NDP: variants seen among roughly 807,000 people sequenced by gnomAD.
NDP encodes the protein norrin.
A neutral mutation model predicts 8.4 loss-of-function variants in NDP; 2 were observed. The ratio of observed to expected loss-of-function variants is 0.24; its 90% CI spans 0.10 to 0.75. NDP has a LOEUF of 0.75. NDP is among the 30% of genes least tolerant of loss of function. The probability of loss-of-function intolerance (pLI) is 0.73; values close to 1 mark genes in which losing one functional copy is unlikely to be tolerated. For synonymous variants in NDP, 55 were observed against 45.6 expected, an observed-to-expected ratio of 1.21 and a Z score of -0.83; for missense variants, 81 against 110.1, an observed-to-expected ratio of 0.74 and a Z score of 1.18.
intron 1 of NDP, among the ~76,000 whole-genome samples, chrX:43,965,635 G>A (rs1386435043): frequency 9.0e-6 from 1 of 111,327 alleles, no homozygotes; most frequent in East Asian, 2.8e-4. Context: ...AATATAGGCT[G>A]AGTTCCACCC....
chrX:43,972,330 G>A (rs2035895130), intron 1 of NDP, among the ~76,000 whole-genome samples: 1 of 111,184 alleles, frequency 9.0e-6, no homozygotes, highest in Non-Finnish European at 1.9e-5. Context: ...TGGGCGTTCT[G>A]AGTCATTAAC....
rs771129712 is a variant in NDP at position 43,949,847 on chromosome X, G to T, written c.354C>A (p.Ala118=). The change falls in exon 3 of 3, where the codon GCC becomes GCA. Residue 118 remains alanine (A), a synonymous_variant. Transcript: ENST00000642620. Reference sequence around the variant, plus strand: ...GACAGGAGAGGATGTACCGGTAGGTGGCAGTGAGTCGCATGCCCCCTGAGC... The same window carrying T: ...GACAGGAGAGGATGTACCGGTAGGTTGCAGTGAGTCGCATGCCCCCTGAGC... ...LRCSGGMRLT[A]TYRYILSCHC... 2 of 1,189,690 alleles carry T rather than the reference G, an allele frequency of 1.7e-6. No individual in the cohort carries two copies. The highest frequency in any genetic ancestry group is 6.1e-5 in the East Asian group (2 of 32,574).
chrX:43,963,050 T>C (rs1462381566), intron 1 of NDP, among the ~76,000 whole-genome samples: 1 of 112,150 alleles, frequency 8.9e-6, no homozygotes, highest in African/African-American at 3.2e-5. Context: ...GGCTAAGTGG[T>C]ATGTGCCAAG....
intron 1 of NDP, among the ~76,000 whole-genome samples, chrX:43,962,995 G>A (rs1333696862): frequency 1.8e-5 from 2 of 112,077 alleles, no homozygotes; most frequent in African/African-American, 6.5e-5. Context: ...CCTTCTGGCT[G>A]GCAGAGGGTA....
intron 1 of NDP, among the ~76,000 whole-genome samples, chrX:43,969,192 C>T (rs1369770277): frequency 1.8e-5 from 2 of 112,149 alleles, no homozygotes; most frequent in Non-Finnish European, 1.9e-5. Context: ...GCCCCATCTC[C>T]AAAGCCCCAT....
intron 1 of NDP, chrX:43,969,394 G>A (rs1474141361): frequency 8.9e-6 from 1 of 111,839 alleles, no homozygotes; most frequent in East Asian, 2.8e-4. Context: ...AGGATCCAGA[G>A]GGCTTTGTTT....
At chrX:43,952,042 T>TA (rs1311661864) in intron 2 of NDP, among the ~76,000 whole-genome samples, 10 of 112,128 alleles carry the variant, frequency 8.9e-5, no homozygotes, top group Non-Finnish European at 1.9e-4. Context: ...GTGCAGTGGT[T>TA]ATTCACAGGC....
intron 2 of NDP, among the ~76,000 whole-genome samples, chrX:43,956,088 T>G (rs1306599603): frequency 4.5e-5 from 5 of 111,472 alleles, no homozygotes; most frequent in Admixed American, 1.9e-4. Flanking sequence ...TGGGCTTCAG[T>G]TTTCCTTACC....
rs2035743597 is a variant in NDP, at chrX:43,948,806, T to C, written c.*993A>G. On this transcript the variant is annotated 3_prime_UTR_variant, in exon 3 of 3. Transcript: ENST00000642620. ...AATATACTCTTTTTATTTCAAAACG[T>C]GGGAATAACTCAAAATTTGAGCCTC... The C allele has an allele frequency of 8.9e-6, 1 of 111,841 alleles. No individual in the cohort carries two copies. The highest frequency in any genetic ancestry group is 3.3e-5 in the African/African-American group (1 of 30,722). The allele number at this position is 111,841 out of a possible 1,213,427, so 9.2% of individuals were successfully genotyped here.
chrX:43,959,416 G>A (rs1306725161), intron 1 of NDP, among the ~76,000 whole-genome samples: 1 of 111,600 alleles, frequency 9.0e-6, no homozygotes, highest in Non-Finnish European at 1.9e-5. Flanking sequence ...AAGCCCCATA[G>A]CACCCAGCAC....
At chrX:43,954,967 C>T (rs2035784066) in intron 2 of NDP, among the ~76,000 whole-genome samples, 1 of 111,197 alleles carries the variant, frequency 9.0e-6, no homozygotes, top group Admixed American at 9.5e-5. Context: ...AAATCCCCTC[C>T]CTGGCCCAAG....
In NDP at chrX:43,962,915, C is replaced by T. The variant is rs1477781843; in HGVS notation, c.-207-4063G>A. Among the ~76,000 whole-genome samples the T allele has an allele frequency of 2.7e-5, 3 of 112,234 alleles. No individual in the cohort carries two copies. In the Admixed American group the frequency reaches 2.8e-4, roughly 11 times the overall value. On this transcript the variant is annotated intron_variant, in intron 1 of 2. Transcript: ENST00000642620. ...TCCTCAGGGAAATAATATAGCAGAG[C>T]TTACAGCGGGCCCAGCCTCCTGGGT... is the stretch of plus-strand genomic sequence containing the variant.
intron 2 of NDP, among the ~76,000 whole-genome samples, chrX:43,952,187 G>C (rs2035767147): frequency 9.0e-6 from 1 of 111,218 alleles, no homozygotes; most frequent in Admixed American, 9.5e-5. Context: ...CTATGCCATA[G>C]GTCAGTAGTA....
intron 1 of NDP, among the ~76,000 whole-genome samples, chrX:43,969,230 A>G (rs948271475): frequency 4.5e-5 from 5 of 112,155 alleles, no homozygotes; most frequent in Non-Finnish European, 7.5e-5. Context: ...TCAACCCAGA[A>G]TATATTTCTC....
intron 1 of NDP, 60 bp from the exon 2 acceptor site, chrX:43,958,912 C>T: frequency 2.8e-6 from 1 of 356,016 alleles, no homozygotes; most frequent in Middle Eastern, 8.3e-4. Context: ...ACTAATGGAA[C>T]CCAGGAGGTA....
chrX:43,962,481 AC>A (rs769738623), intron 1 of NDP, among the ~76,000 whole-genome samples: 1 of 111,571 alleles, frequency 9.0e-6, no homozygotes, highest in African/African-American at 3.3e-5. Context: ...AAGAAAATGT[AC>A]ACCACTGAGA....
intron 2 of NDP, chrX:43,954,368 A>G (rs1156728726): frequency 9.0e-6 from 1 of 111,192 alleles, no homozygotes; most frequent in Non-Finnish European, 1.9e-5. Flanking sequence ...CACTCCAACT[A>G]GAAACTGGTC....
chrX:43,950,154 A>G, intron 2 of NDP, 128 bp from the exon 3 acceptor site: 1 of 574,586 alleles, frequency 1.7e-6, no homozygotes. Flanking sequence ...GGCTCAATGC[A>G]TGTTGCATTT....
At chrX:43,965,815 G>A (rs1235307739) in intron 1 of NDP, among the ~76,000 whole-genome samples, 8 of 111,761 alleles carry the variant, frequency 7.2e-5, no homozygotes, top group African/African-American at 2.0e-4. Context: ...GGTCAAGAGC[G>A]AGGCCCTGTG....
Sources: gnomAD v4.1 joint callset for allele counts (sites outside exome capture counted in the v4.1 genomes callset) on GRCh38, gnomAD v4.1.1 for gene constraint, MANE v1.5 for transcripts, NCBI Gene and HGNC (gene_info 2026-07-23, HGNC 2026-07-21) for gene names.